The following GBX2 variants were observed in gnomAD, a reference collection of about 807,000 sequenced individuals.
GBX2 encodes homeobox protein GBX-2.
A neutral mutation model predicts 22.4 loss-of-function variants in GBX2; 5 were observed. The ratio of observed to expected loss-of-function variants is 0.22; its 90% CI spans 0.12 to 0.47. The LOEUF (loss-of-function observed/expected upper bound fraction) is 0.47, where lower values mean the gene tolerates loss of function less well. GBX2 is among the 20% of genes least tolerant of loss of function. The pLI is 0.99. For missense variants in GBX2, 470 were observed against 495.4 expected, an observed-to-expected ratio of 0.95 and a Z score of 0.49; for synonymous variants, 220 against 230.5, an observed-to-expected ratio of 0.95 and a Z score of 0.41.
rs1196714950 is a variant in GBX2 at position 236,167,192 on chromosome 2, T to C, written c.523+257A>G. ...GAGGCGGCCTCGGCCAAACGCATCG[T>C]CAGATAGATATGTGGCCCAGGGCAG... On this transcript the variant is annotated intron_variant, in intron 1 of 1. Coordinates refer to ENST00000306318, the MANE Select transcript of GBX2 (RefSeq NM_001485.4). 15 of 1,535,184 alleles carry C rather than the reference T, an allele frequency of 9.8e-6. 1 individual carries two copies. In the East Asian group the frequency reaches 2.4e-4, roughly 25 times the overall value.
In GBX2 at chr2:236,165,849, C is replaced by T; in HGVS notation, c.*65G>A. The T allele has an allele frequency of 7.5e-7, 1 of 1,333,606 alleles. No homozygotes were observed. The highest frequency in any genetic ancestry group is 1.0e-6 in the Non-Finnish European group (1 of 962,196). 82.6% of individuals were successfully genotyped at this position (1,333,606 alleles called of 1,614,324 possible). ...GTTGCTTCAAACACAGTGGAGTCCA[C>T]CATGGGTTCCCTCGGGTGCGGGGGC... On this transcript the variant is annotated 3_prime_UTR_variant, in exon 2 of 2. Transcript: ENST00000306318.
rs1364927968 is a variant in GBX2 at position 236,168,218 on chromosome 2, C to T, written c.-247G>A. The T allele has an allele frequency of 4.2e-5, 11 of 260,074 alleles. No homozygotes were observed. 16.1% of individuals were successfully genotyped at this position (260,074 alleles called of 1,614,324 possible). ...CCCGGGCCCCGAGGGCTCGCCGGAG[C>T]CCCCGTCCGCCGCTTGCCCGTCGGA... On this transcript the variant is annotated 5_prime_UTR_variant, in exon 1 of 2. Coordinates refer to ENST00000306318, the MANE Select transcript of GBX2 (RefSeq NM_001485.4).
At position 236,168,137 on chromosome 2, in the gene GBX2, G is replaced by A; in HGVS notation, c.-166C>T. 4.4e-6 allele frequency: 3 copies of A among 687,316 alleles called. No homozygotes were observed. Among genetic ancestry groups the A allele is most frequent in the South Asian group, 4.9e-5 (1 of 20,434 alleles). The allele number at this position is 687,316 out of a possible 1,614,324, so 42.6% of individuals were successfully genotyped here. ...CTCAGTCCTGGGCCCGCTGCATGCC[G>A]GGCGGGTGCAGGGGGTGTGCGGGGT... On this transcript the variant is annotated 5_prime_UTR_variant, in exon 1 of 2. Transcript: ENST00000306318.
chr2:236,167,729 G>A lies in GBX2; in HGVS notation c.243C>T (p.His81=), dbSNP rs1366657691. Residue 81 remains histidine, a synonymous_variant, in exon 1 of 2, where the codon CAC becomes CAT. Transcript: ENST00000306318. The part of the protein sequence containing the change: ...QPALPPAHPH[H]QIPSLPTGFC... ...AGCCTGTGGGCAGGCTGGGGATCTG[G>A]TGGTGAGGGTGTGCGGGCGGCAGCG... 9 of 1,532,720 alleles carry A rather than the reference G, an allele frequency of 5.9e-6. No individual in the cohort carries two copies. The highest frequency in any genetic ancestry group is 3.7e-4 in the Middle Eastern group (2 of 5,468). The allele number at this position is 1,532,720 out of a possible 1,614,324, so 94.9% of individuals were successfully genotyped here.
chr2:236,167,800 G>A lies in GBX2; in HGVS notation c.172C>T (p.Pro58Ser). ...MPYRPVVLPP[P>S]PPPPPALPQA... ...GGCAGCGCGGGCGGCGGCGGCGGCG[G>A]CGGCGGCAGCACTACCGGCCGGTAG... is the stretch of plus-strand genomic sequence containing the variant. Residue 58 changes from proline (P) to serine (S), a missense_variant, in exon 1 of 2, where the codon CCG (proline) becomes TCG (serine). Pro to Ser is a moderately conservative substitution (Grantham distance 74). This residue lies in a region of GBX2 where 377 missense variants were observed against 358.6 expected (regional missense o/e 1.05). Coordinates refer to ENST00000306318, the MANE Select transcript of GBX2 (RefSeq NM_001485.4). The A allele has an allele frequency of 1.4e-6, 2 of 1,408,980 alleles. No individual in the cohort carries two copies. The highest frequency in any genetic ancestry group is 9.3e-7 in the Non-Finnish European group (1 of 1,079,062). The allele number at this position is 1,408,980 out of a possible 1,614,324, so 87.3% of individuals were successfully genotyped here.
rs971304095 is a variant in GBX2 at position 236,166,657 on chromosome 2, G to A, written c.524-220C>T. 2.0e-5 allele frequency among the ~76,000 whole-genome samples: 3 copies of A among 152,060 alleles called. No individual in the cohort carries two copies. The highest frequency in any genetic ancestry group is 4.4e-5 in the Non-Finnish European group (3 of 68,026). The stretch of plus-strand genomic sequence containing the variant: ...AAGGAGAGGAGGCAGTACAGGCGAC[G>A]GCCCTTTGCCCAGAACCATCACTCA... On this transcript the variant is annotated intron_variant, in intron 1 of 1. Transcript: ENST00000306318. The surrounding 1 kb of genome is among the most constrained non-coding windows in gnomAD (Gnocchi z 6.6).
In GBX2 at chr2:236,166,102, T is replaced by A. The variant is rs1402475845; in HGVS notation, c.859A>T (p.Ser287Cys). 4 of 1,614,102 alleles carry A rather than the reference T, an allele frequency of 2.5e-6. No individual in the cohort carries two copies. In the Admixed American group the frequency reaches 5.0e-5, roughly 20 times the overall value. Reference sequence around the variant, plus strand: ...AACCAGATTTTCACCTGCACCTCGCTGAGTTTGAGGGCGTGGGCGATCTGC... The same window carrying A: ...AACCAGATTTTCACCTGCACCTCGCAGAGTTTGAGGGCGTGGGCGATCTGC... The part of the protein sequence containing the change: ...RSQIAHALKL[S>C]EVQVKIWFQN... The change falls in exon 2 of 2, where the codon AGC becomes TGC. Residue 287 changes from serine to cysteine, a missense_variant. Physicochemically the swap from Ser to Cys is moderately radical, Grantham distance 112. This residue lies in a region of GBX2 where 40 missense variants were observed against 55.1 expected (regional missense o/e 0.73). Transcript: ENST00000306318. This position sits in a 1 kb window ranked among gnomAD's most constrained non-coding sequence, Gnocchi z 6.6.
At position 236,165,676 on chromosome 2, in the gene GBX2, GAT is replaced by G; in HGVS notation, c.*236_*237del. ...CTGCAGCTGAGATCCAGTCTATAGA[GAT>G]ATTTATGTACAAAGTAGGATAGTAT... On this transcript the variant is annotated 3_prime_UTR_variant, in exon 2 of 2. Transcript: ENST00000306318. 3.9e-6 allele frequency: 2 copies of G among 517,710 alleles called. No individual in the cohort carries two copies. The highest frequency in any genetic ancestry group is 6.5e-5 in the South Asian group (2 of 30,906). The allele number at this position is 517,710 out of a possible 1,614,324, so 32.1% of individuals were successfully genotyped here.
rs1299598469 is a variant in GBX2 at position 236,166,110 on chromosome 2, A to AG, written c.850dup (p.Leu284ProfsTer39). ...TTTCACCTGCACCTCGCTGAGTTTG[A>AG]GGGCGTGGGCGATCTGCGAGCGCTC... is the stretch of plus-strand genomic sequence containing the variant. On this transcript the variant is annotated frameshift_variant, in exon 2 of 2. Coordinates refer to ENST00000306318, the MANE Select transcript of GBX2 (RefSeq NM_001485.4). LOFTEE classifies it high-confidence loss of function. The surrounding 1 kb of genome is among the most constrained non-coding windows in gnomAD (Gnocchi z 6.6). 6.2e-7 allele frequency: 1 copy of AG among 1,614,056 alleles called. No homozygotes were observed.
Position 236,167,692 on chromosome 2 carries a change from G to A in GBX2, c.280C>T (p.Leu94=), listed in dbSNP as rs1207016535. 1.3e-6 allele frequency: 2 copies of A among 1,578,596 alleles called. No homozygotes were observed. The highest frequency in any genetic ancestry group is 2.4e-5 in the East Asian group (1 of 40,916). The change falls in exon 1 of 2, where the codon CTG becomes TTG. Residue 94 remains leucine (L), a synonymous_variant. Transcript: ENST00000306318. ...PSLPTGFCSS[L]AQGMALTSTL... ...GAGGTGAGCGCCATGCCCTGCGCCA[G>A]GCTGGAGCAGAAGCCTGTGGGCAGG...
In GBX2 at chr2:236,166,070, G is replaced by A. The variant is rs201868370; in HGVS notation, c.891C>T (p.Asn297=). Residue 297 remains asparagine, a synonymous_variant, in exon 2 of 2, where the codon AAC becomes AAT. Transcript: ENST00000306318. The surrounding 1 kb of genome is among the most constrained non-coding windows in gnomAD (Gnocchi z 6.6). ...TCACCCGTTTCCACTTGGCCCGTCG[G>A]TTCTGGAACCAGATTTTCACCTGCA... ...SEVQVKIWFQ[N]RRAKWKRVKA... The A allele has an allele frequency of 6.2e-7, 1 of 1,614,260 alleles. No individual in the cohort carries two copies. The highest frequency in any genetic ancestry group is 2.2e-5 in the East Asian group (1 of 44,886).
downstream of GBX2, among the ~76,000 whole-genome samples, chr2:236,163,367 G>C (rs1576380477): frequency 6.6e-6 from 1 of 152,288 alleles, no homozygotes; most frequent in Admixed American, 6.5e-5. Context: ...CATAGGGCGA[G>C]GACCTCGAGG....
At chr2:236,164,453 C>T (rs993982447), downstream of GBX2, among the ~76,000 whole-genome samples, 5 of 152,174 alleles carry the variant, frequency 3.3e-5, no homozygotes, top group African/African-American at 1.2e-4. Flanking sequence ...GGGCTCTGAG[C>T]GCAGGGCCGG....
downstream of GBX2, among the ~76,000 whole-genome samples, chr2:236,164,556 C>T (rs574520860): frequency 4.9e-4 from 74 of 152,236 alleles, 2 homozygotes; most frequent in South Asian, 0.015. Context: ...ACTCCCAGCT[C>T]CCCTGCGTAG....
chr2:236,161,550 C>T (rs1023647041), downstream of GBX2, among the ~76,000 whole-genome samples: 4 of 152,310 alleles, frequency 2.6e-5, no homozygotes, highest in South Asian at 8.3e-4. Flanking sequence ...CTGTAGAACC[C>T]CGGCCTTAGC....
At position 236,166,595 on chromosome 2, in the gene GBX2, G is replaced by T. The variant is rs1202351012; in HGVS notation, c.524-158C>A. On this transcript the variant is annotated intron_variant, in intron 1 of 1. Coordinates refer to ENST00000306318, the MANE Select transcript of GBX2 (RefSeq NM_001485.4). The surrounding 1 kb of genome is among the most constrained non-coding windows in gnomAD (Gnocchi z 6.6). ...ACATTGTGATTTCCTGGCCTTTGAG[G>T]GGTAGAGGAGGGGTGGGGGGAGCGT... Among the ~76,000 whole-genome samples, 1 of 151,796 alleles carries T rather than the reference G, an allele frequency of 6.6e-6. No individual in the cohort carries two copies. The highest frequency in any genetic ancestry group is 6.6e-5 in the Admixed American group (1 of 15,246).
downstream of GBX2, among the ~76,000 whole-genome samples, chr2:236,161,504 G>T (rs188075413): frequency 1.2e-4 from 18 of 152,334 alleles, no homozygotes; most frequent in African/African-American, 4.3e-4. Context: ...GGCCTAAAAT[G>T]AAGATGAATG....
In GBX2 at chr2:236,166,106, T is replaced by G; in HGVS notation, c.855A>C (p.Lys285Asn). 13 of 1,614,158 alleles carry G rather than the reference T, an allele frequency of 8.1e-6. No individual in the cohort carries two copies. Among genetic ancestry groups the G allele is most frequent in the Non-Finnish European group, 1.1e-5 (13 of 1,180,012 alleles). ...TERSQIAHALKLSEVQVKIWF... is the reference protein window; with the variant it reads ...TERSQIAHALNLSEVQVKIWF... The stretch of plus-strand genomic sequence containing the variant: ...AGATTTTCACCTGCACCTCGCTGAG[T>G]TTGAGGGCGTGGGCGATCTGCGAGC... The change falls in exon 2 of 2, where the codon AAA becomes AAC. Residue 285 changes from lysine to asparagine, a missense_variant. Coordinates refer to ENST00000306318, the MANE Select transcript of GBX2 (RefSeq NM_001485.4). The surrounding 1 kb of genome is among the most constrained non-coding windows in gnomAD (Gnocchi z 6.6).
downstream of GBX2, among the ~76,000 whole-genome samples, chr2:236,164,508 G>C (rs2060227037): frequency 1.3e-5 from 2 of 152,252 alleles, no homozygotes; most frequent in South Asian, 4.1e-4. Flanking sequence ...GCCCCACCGA[G>C]ATGGGGAGGC....
Sources: allele counts gnomAD v4.1 joint callset (sites outside exome capture counted in the v4.1 genomes callset), GRCh38; gene constraint gnomAD v4.1.1; regional missense constraint gnomAD v4.1.1; non-coding constraint Gnocchi (gnomAD v3.1); transcripts MANE v1.5; gene names NCBI Gene and HGNC (gene_info 2026-07-23, HGNC 2026-07-21).